SOX6: variants seen among roughly 807,000 people sequenced by gnomAD.
SOX6 encodes transcription factor SOX-6.
SOX6 carries 11 observed loss-of-function variants against 97.8 expected under a neutral mutation model. The ratio of observed to expected loss-of-function variants is 0.11; its 90% CI spans 0.07 to 0.19. The LOEUF is 0.19. Ranked by LOEUF, SOX6 falls within the 10% of genes least tolerant of loss-of-function variation. The pLI, the probability that SOX6 is intolerant of heterozygous loss-of-function variation, is 1.00. For missense variants in SOX6, 810 were observed against 1,039.5 expected (o/e 0.78, Z 3.04); for synonymous variants, 360 against 371.4 (o/e 0.97, Z 0.35).
At chr11:16,572,644 T>C (rs566529561) in intron 4 of SOX6, among the ~76,000 whole-genome samples, 1 of 152,300 alleles carries the variant, frequency 6.6e-6, no homozygotes, top group African/African-American at 2.4e-5. Flanking sequence ...TATAATAGAG[T>C]ATGTAGTTTG....
At chr11:16,149,710 T>G (rs1850410104) in intron 6 of SOX6, among the ~76,000 whole-genome samples, 1 of 152,226 alleles carries the variant, frequency 6.6e-6, no homozygotes, top group Non-Finnish European at 1.5e-5. Context: ...TCATCAAGTT[T>G]AAATATGTTC....
At chr11:16,424,873 G>A (rs1859093843) in intron 1 of SOX6, among the ~76,000 whole-genome samples, 1 of 152,228 alleles carries the variant, frequency 6.6e-6, no homozygotes, top group African/African-American at 2.4e-5. Context: ...TGAGGAAGGG[G>A]AGTTGGTGAG....
intron 4 of SOX6, among the ~76,000 whole-genome samples, chr11:16,599,971 T>A (rs1433418941): frequency 6.6e-6 from 1 of 152,168 alleles, no homozygotes; most frequent in Non-Finnish European, 1.5e-5. Context: ...ACAAAAGCCA[T>A]AATGAGGGGG....
At chr11:16,659,317 C>T (rs573180537) in intron 3 of SOX6, among the ~76,000 whole-genome samples, 2 of 152,206 alleles carry the variant, frequency 1.3e-5, no homozygotes, top group East Asian at 3.9e-4. Flanking sequence ...TATTGAATTG[C>T]CTTTGCACCT....
intron 3 of SOX6, among the ~76,000 whole-genome samples, chr11:16,702,879 A>T (rs1848105199): frequency 6.6e-6 from 1 of 150,614 alleles, no homozygotes; most frequent in Admixed American, 6.6e-5. Context: ...TATGTCAAAG[A>T]AGAAACTACC....
At chr11:16,628,676 G>A (rs1017442424) in intron 3 of SOX6, among the ~76,000 whole-genome samples, 1 of 151,960 alleles carries the variant, frequency 6.6e-6, no homozygotes, top group Non-Finnish European at 1.5e-5. Context: ...ATTTTGATAG[G>A]GATTGCAATG....
intron 1 of SOX6, among the ~76,000 whole-genome samples, chr11:16,437,167 TG>T (rs1323847220): frequency 6.6e-6 from 1 of 151,362 alleles, no homozygotes; most frequent in African/African-American, 2.4e-5. Flanking sequence ...TTTTAAGTCC[TG>T]GGTGGCTGGG....
chr11:16,164,030 A>T (rs886885918), intron 6 of SOX6, among the ~76,000 whole-genome samples: 5 of 152,192 alleles, frequency 3.3e-5, no homozygotes, highest in African/African-American at 1.2e-4. Flanking sequence ...TCTGTCACCC[A>T]GTTTGGAGAG....
chr11:16,166,239 T>C (rs1352379485), intron 6 of SOX6, among the ~76,000 whole-genome samples: 1 of 152,218 alleles, frequency 6.6e-6, no homozygotes, highest in Non-Finnish European at 1.5e-5. Flanking sequence ...ATTTAACAGC[T>C]GATTAATCAG....
intron 3 of SOX6, among the ~76,000 whole-genome samples, chr11:16,307,737 C>T (rs766868138): frequency 6.6e-6 from 1 of 152,166 alleles, no homozygotes; most frequent in Non-Finnish European, 1.5e-5. Context: ...AATTCTGCTG[C>T]TGTTGTTGCC....
intron 3 of SOX6, among the ~76,000 whole-genome samples, chr11:16,672,135 G>T (rs1340078897): frequency 2.0e-5 from 3 of 152,160 alleles, no homozygotes; most frequent in African/African-American, 7.2e-5. Context: ...CCTTACAAGA[G>T]ATCTTGAAAA....
At chr11:16,035,093 C>T (rs528375972) in intron 12 of SOX6, among the ~76,000 whole-genome samples, 5 of 152,346 alleles carry the variant, frequency 3.3e-5, no homozygotes, top group African/African-American at 1.2e-4. Flanking sequence ...AGTTTGCTCA[C>T]ATGAACACTC....
rs1590033677 is a variant in SOX6 at position 16,212,681 on chromosome 11, G to C, written c.535+21901C>G. On this transcript the variant is annotated intron_variant, in intron 4 of 15. Transcript: ENST00000683767. ...ATATAGCTAAACTTTTCTCAAAGCAGATATATAAACTTAGACCCTCACAAG... is the reference window on the plus strand; with the variant it reads ...ATATAGCTAAACTTTTCTCAAAGCACATATATAAACTTAGACCCTCACAAG... Among the ~76,000 whole-genome samples the C allele has an allele frequency of 2.6e-5, 4 of 152,166 alleles. No homozygotes were observed. The South Asian group carries it at 6.2e-4, about 24-fold the overall frequency.
intron 1 of SOX6, among the ~76,000 whole-genome samples, chr11:16,458,689 T>C (rs907581147): frequency 5.3e-5 from 8 of 152,080 alleles, no homozygotes; most frequent in Non-Finnish European, 1.0e-4. Flanking sequence ...CTGGCCAAGA[T>C]GGACTAACAG....
intron 4 of SOX6, among the ~76,000 whole-genome samples, chr11:16,544,209 G>A (rs957549145): frequency 2.6e-5 from 4 of 152,104 alleles, no homozygotes; most frequent in African/African-American, 2.4e-5. Context: ...GGGATTGGGG[G>A]TGGGAGAAAT....
At chr11:16,272,405 C>T (rs1204641089) in intron 3 of SOX6, among the ~76,000 whole-genome samples, 1 of 151,694 alleles carries the variant, frequency 6.6e-6, no homozygotes, top group Non-Finnish European at 1.5e-5. Context: ...AATCTCTACA[C>T]TACACTGAAT....
chr11:16,414,185 T>C (rs925918739), intron 1 of SOX6, among the ~76,000 whole-genome samples: 1 of 152,188 alleles, frequency 6.6e-6, no homozygotes. Flanking sequence ...TGAGCAGTGA[T>C]AATGAGAGTG....
At chr11:16,037,678 A>T (rs1855553794) in intron 12 of SOX6, among the ~76,000 whole-genome samples, 1 of 152,160 alleles carries the variant, frequency 6.6e-6, no homozygotes, top group Admixed American at 6.6e-5. Context: ...GTGGAAGCAG[A>T]ATCTGAAGCC....
chr11:16,515,220 C>T (rs1860950286), intron 4 of SOX6, among the ~76,000 whole-genome samples: 1 of 152,122 alleles, frequency 6.6e-6, no homozygotes, highest in African/African-American at 2.4e-5. Context: ...TGTTTCCTGA[C>T]TTTTTAATGA....
Sources: gnomAD v4.1 joint callset for allele counts (sites outside exome capture counted in the v4.1 genomes callset) on GRCh38, gnomAD v4.1.1 for gene constraint, MANE v1.5 for transcripts, NCBI Gene and HGNC (gene_info 2026-07-23, HGNC 2026-07-21) for gene names.